Variants in UBE2E2 observed in about 807,000 individuals in gnomAD.
The protein encoded by UBE2E2 is ubiquitin-conjugating enzyme E2 E2.
Under a neutral mutation model 24.7 loss-of-function variants are expected in UBE2E2, and 6 were observed. The ratio of observed to expected loss-of-function variants is 0.24; its 90% CI spans 0.13 to 0.48. The LOEUF is 0.48. Ranked by LOEUF, UBE2E2 falls within the 20% of genes least tolerant of loss-of-function variation. The pLI, the probability that UBE2E2 is intolerant of heterozygous loss-of-function variation, is 0.99. For missense variants in UBE2E2, 169 were observed against 245.0 expected (o/e 0.69, Z 2.07); for synonymous variants, 104 against 83.6 (o/e 1.24, Z -1.33).
intron 5 of UBE2E2, among the ~76,000 whole-genome samples, chr3:23,586,304 A>G (rs1696624483): frequency 6.6e-6 from 1 of 151,916 alleles, no homozygotes; most frequent in South Asian, 2.1e-4. Flanking sequence ...GGTCTTTTTT[A>G]TTTTTTTAGA....
chr3:23,562,979 G>GCT (rs1379458252), intron 5 of UBE2E2, among the ~76,000 whole-genome samples: 1 of 151,898 alleles, frequency 6.6e-6, no homozygotes, highest in Non-Finnish European at 1.5e-5. Flanking sequence ...TATTAGTCTT[G>GCT]CTAGCAGTCT....
intron 3 of UBE2E2, among the ~76,000 whole-genome samples, chr3:23,223,249 G>A (rs1696711996): frequency 6.7e-6 from 1 of 150,290 alleles, no homozygotes; most frequent in Non-Finnish European, 1.5e-5. Flanking sequence ...CTGGAGTGCA[G>A]TGGCATGATC....
chr3:23,494,134 C>T (rs1453885226), intron 3 of UBE2E2, among the ~76,000 whole-genome samples: 2 of 152,146 alleles, frequency 1.3e-5, no homozygotes, highest in Non-Finnish European at 2.9e-5. Flanking sequence ...CTGCAAGTGT[C>T]CTCTGGCACC....
rs1394545452 is a variant in UBE2E2, at chr3:23,583,830, T to G, written c.509-5904T>G. Reference sequence around the variant, plus strand: ...GAGCTTTGGGGCAGAGACAGTGGGGTTTTCTAGGTATAGAATCATATCGTC... The same window carrying G: ...GAGCTTTGGGGCAGAGACAGTGGGGGTTTCTAGGTATAGAATCATATCGTC... On this transcript the variant is annotated intron_variant, in intron 5 of 5. Coordinates refer to ENST00000396703, the MANE Select transcript of UBE2E2 (RefSeq NM_152653.4). This position sits in a 1 kb window ranked among gnomAD's most constrained non-coding sequence, Gnocchi z 4.1. 1.3e-5 allele frequency among the ~76,000 whole-genome samples: 2 copies of G among 152,160 alleles called. No homozygotes were observed. Among genetic ancestry groups the G allele is most frequent in the Non-Finnish European group, 2.9e-5 (2 of 68,036 alleles).
At chr3:23,301,398 C>T (rs1699084570) in intron 3 of UBE2E2, among the ~76,000 whole-genome samples, 1 of 152,170 alleles carries the variant, frequency 6.6e-6, no homozygotes, top group South Asian at 2.1e-4. Context: ...CTGTTATTTT[C>T]CCATGTTTGT....
chr3:23,211,172 C>A lies in UBE2E2; in HGVS notation c.176+2297C>A, dbSNP rs149630387. On this transcript the variant is annotated intron_variant, in intron 2 of 5. Coordinates refer to ENST00000396703, the MANE Select transcript of UBE2E2 (RefSeq NM_152653.4). ...AGCTTCTTATAGGGATCGGATTTTCCATGGATATTAGGATCTTAGTACTAG... is the reference window on the plus strand; with the variant it reads ...AGCTTCTTATAGGGATCGGATTTTCAATGGATATTAGGATCTTAGTACTAG... Among the ~76,000 whole-genome samples the A allele has an allele frequency of 8.3e-3, 1,264 of 152,198 alleles. 15 individuals are homozygous for A. Among genetic ancestry groups the A allele is most frequent in the African/African-American group, 0.029 (1,208 of 41,526 alleles).
intron 3 of UBE2E2, among the ~76,000 whole-genome samples, chr3:23,272,192 C>A (rs116486835): frequency 6.6e-6 from 1 of 152,108 alleles, no homozygotes; most frequent in East Asian, 1.9e-4. Flanking sequence ...TGAGGCCTGG[C>A]GAGAGTTCGA....
intron 4 of UBE2E2, among the ~76,000 whole-genome samples, chr3:23,514,561 C>G (rs1379455587): frequency 6.6e-6 from 1 of 151,924 alleles, no homozygotes; most frequent in Non-Finnish European, 1.5e-5. Context: ...ATAAAGGCAT[C>G]CAGTAAACCC....
intron 4 of UBE2E2, among the ~76,000 whole-genome samples, chr3:23,526,618 A>AG (rs1187647602): frequency 6.6e-6 from 1 of 152,224 alleles, no homozygotes; most frequent in Non-Finnish European, 1.5e-5. Context: ...ACCCCCAAAG[A>AG]GGAGATTGCT....
At chr3:23,403,656 A>G (rs548244167) in intron 3 of UBE2E2, among the ~76,000 whole-genome samples, 3 of 152,198 alleles carry the variant, frequency 2.0e-5, no homozygotes, top group Admixed American at 6.5e-5. Context: ...CCCGGTCTCT[A>G]TTTTCAAAAA....
intron 3 of UBE2E2, among the ~76,000 whole-genome samples, chr3:23,368,351 A>G (rs1696313855): frequency 6.6e-6 from 1 of 152,082 alleles, no homozygotes; most frequent in African/African-American, 2.4e-5. Context: ...CCTTCCCACA[A>G]CCTCAAAAGA....
At chr3:23,555,778 G>C (rs1695763593) in intron 5 of UBE2E2, among the ~76,000 whole-genome samples, 1 of 152,098 alleles carries the variant, frequency 6.6e-6, no homozygotes, top group African/African-American at 2.4e-5. Context: ...GCCAGACACA[G>C]AAAACTATTG....
At chr3:23,483,932 AGTTT>A (rs1201916701) in intron 3 of UBE2E2, among the ~76,000 whole-genome samples, 2 of 152,132 alleles carry the variant, frequency 1.3e-5, no homozygotes, top group African/African-American at 2.4e-5. Context: ...AACACAGCGG[AGTTT>A]GTCTTGTTGA....
At chr3:23,423,644 G>A (rs778494) in intron 3 of UBE2E2, among the ~76,000 whole-genome samples, 84,414 of 152,030 alleles carry the variant, frequency 0.56, 23,753 homozygotes, top group East Asian at 0.67. Context: ...TGTCCAGTGC[G>A]TGTATTTATT....
At chr3:23,489,159 A>G (rs899400686) in intron 3 of UBE2E2, among the ~76,000 whole-genome samples, 2 of 152,188 alleles carry the variant, frequency 1.3e-5, no homozygotes, top group African/African-American at 4.8e-5. Context: ...ACAGTTTTTC[A>G]ACAGACGGCA....
At chr3:23,247,235 C>A (rs1697436262) in intron 3 of UBE2E2, among the ~76,000 whole-genome samples, 1 of 151,996 alleles carries the variant, frequency 6.6e-6, no homozygotes, top group African/African-American at 2.4e-5. Context: ...AATTAATACT[C>A]AAATATTAAT....
At chr3:23,223,102 C>T (rs1478543772) in intron 3 of UBE2E2, among the ~76,000 whole-genome samples, 5 of 140,498 alleles carry the variant, frequency 3.6e-5, no homozygotes, top group East Asian at 2.2e-4. Flanking sequence ...TCACTGTAAC[C>T]TCTGCCTCCT....
chr3:23,504,941 C>G (rs2075309681), intron 4 of UBE2E2, among the ~76,000 whole-genome samples: 1 of 46,054 alleles, frequency 2.2e-5, no homozygotes, highest in African/African-American at 1.3e-4. Context: ...CAGGGTCTCA[C>G]TCTGGGGCCC....
At chr3:23,534,128 CT>C (rs1158079342) in intron 5 of UBE2E2, 82,216 of 437,346 alleles carry the variant, frequency 0.19, 735 homozygotes, top group East Asian at 0.27. Flanking sequence ...TGCAAGAAGG[CT>C]TTTTTTTTTT....
Sources: gnomAD v4.1 joint callset for allele counts (sites outside exome capture counted in the v4.1 genomes callset) on GRCh38, gnomAD v4.1.1 for gene constraint, Gnocchi (gnomAD v3.1) non-coding constraint, MANE v1.5 for transcripts, NCBI Gene and HGNC (gene_info 2026-07-23, HGNC 2026-07-21) for gene names.